DDC: variants seen among roughly 807,000 people sequenced by gnomAD.
DDC encodes aromatic-L-amino-acid decarboxylase.
DDC carries 43 observed loss-of-function variants against 60.0 expected under a neutral mutation model. The observed-to-expected ratio is 0.72, with a 90% confidence interval of 0.56 to 0.92. The LOEUF (loss-of-function observed/expected upper bound fraction) is 0.92, where lower values mean the gene tolerates loss of function less well. DDC is among the 40% of genes least tolerant of loss of function. DDC has a pLI of 0.00. For missense variants in DDC, 573 were observed against 620.2 expected, an observed-to-expected ratio of 0.92 and a Z score of 0.81; for synonymous variants, 232 against 234.6, an observed-to-expected ratio of 0.99 and a Z score of 0.10.
chr7:50,530,389 C>A (rs1272265682), intron 4 of DDC, among the ~76,000 whole-genome samples: 1 of 152,126 alleles, frequency 6.6e-6, no homozygotes, highest in Non-Finnish European at 1.5e-5. Flanking sequence ...GAGAACCAAC[C>A]CTGTGGACAC....
At position 50,489,827 on chromosome 7, in the gene DDC, G is replaced by C. The variant is rs2042962096; in HGVS notation, c.944+5523C>G. On this transcript the variant is annotated intron_variant, in intron 9 of 14. Transcript: ENST00000444124. ...TGCCAGTTTAACAAGGTTTTCTTGG[G>C]ACATTAACCCATTCTTTAATTAAAA... is the stretch of plus-strand genomic sequence containing the variant. Among the ~76,000 whole-genome samples the C allele has an allele frequency of 2.0e-5, 3 of 152,140 alleles. 1 individual carries two copies. Among genetic ancestry groups the C allele is most frequent in the South Asian group, 4.1e-4 (2 of 4,824 alleles).
intron 12 of DDC, among the ~76,000 whole-genome samples, chr7:50,469,815 C>T (rs560771061): frequency 6.0e-4 from 92 of 152,100 alleles, no homozygotes; most frequent in Non-Finnish European, 1.0e-3. Flanking sequence ...CCAATCTCTA[C>T]TTAAAATACA....
chr7:50,499,974 A>G (rs1486684460), intron 7 of DDC, among the ~76,000 whole-genome samples: 5 of 152,210 alleles, frequency 3.3e-5, no homozygotes, highest in African/African-American at 1.2e-4. Flanking sequence ...AATAGTACCC[A>G]TAGGCCCAAG....
chr7:50,517,970 G>A (rs1005267195), intron 6 of DDC, among the ~76,000 whole-genome samples: 1 of 152,014 alleles, frequency 6.6e-6, no homozygotes, highest in African/African-American at 2.4e-5. Context: ...AGCACTTTGG[G>A]AGGCTGAGAT....
Position 50,476,606 on chromosome 7 carries a change from G to C in DDC, c.1041+18C>G. The stretch of plus-strand genomic sequence containing the variant: ...CACTCCACTAGCATTTGAGATTACA[G>C]TGGAATCTCCCACTTACCCGGTAGT... On this transcript the variant is annotated intron_variant, in intron 11 of 14. Transcript: ENST00000444124. 1.2e-6 allele frequency: 2 copies of C among 1,607,730 alleles called. No individual in the cohort carries two copies. The highest frequency in any genetic ancestry group is 1.7e-6 in the Non-Finnish European group (2 of 1,174,418).
intron 9 of DDC, among the ~76,000 whole-genome samples, chr7:50,483,110 T>C (rs1362716824): frequency 6.6e-6 from 1 of 152,178 alleles, no homozygotes; most frequent in Non-Finnish European, 1.5e-5. Context: ...GTGCTTCTAA[T>C]ATTTCACCAT....
chr7:50,526,414 A>T (rs1443541345), intron 6 of DDC, among the ~76,000 whole-genome samples: 1 of 152,232 alleles, frequency 6.6e-6, no homozygotes, highest in Non-Finnish European at 1.5e-5. Flanking sequence ...ATAATTCATT[A>T]TATCAAATTC....
Position 50,467,257 on chromosome 7 carries a change from A to G in DDC, c.1199T>C (p.Ile400Thr). The G allele has an allele frequency of 6.2e-7, 1 of 1,614,196 alleles. No individual in the cohort carries two copies. Among genetic ancestry groups the G allele is most frequent in the Non-Finnish European group, 8.5e-7 (1 of 1,180,014 alleles). ...AAGCCCCAGAATGACTTCCACACAG[A>G]TTTCAAAGCGGGGATCCTGGCGCAC... ...SLVRQDPRFE[I>T]CVEVILGLVC... is the part of the protein sequence containing the mutation. The change falls in exon 13 of 15, where the codon ATC (isoleucine) becomes ACC (threonine). Residue 400 changes from isoleucine (I) to threonine (T), a missense_variant. Coordinates refer to ENST00000444124, the MANE Select transcript of DDC (RefSeq NM_001082971.2).
intron 4 of DDC, among the ~76,000 whole-genome samples, chr7:50,534,712 G>A (rs184314863): frequency 1.3e-5 from 2 of 152,214 alleles, no homozygotes; most frequent in East Asian, 1.9e-4. Flanking sequence ...CACCAACATC[G>A]AGGCCTCTTG....
At chr7:50,518,697 T>A (rs138140133) in intron 6 of DDC, among the ~76,000 whole-genome samples, 1 of 152,230 alleles carries the variant, frequency 6.6e-6, no homozygotes, top group Non-Finnish European at 1.5e-5. Flanking sequence ...TGTAGGAGAA[T>A]GAAACCGCAT....
intron 6 of DDC, 42 bp downstream of exon 6, chr7:50,528,095 T>C: frequency 1.2e-6 from 2 of 1,609,442 alleles, no homozygotes; most frequent in Non-Finnish European, 1.7e-6. Context: ...GAGACGGAGT[T>C]TCACCTTATT....
intron 10 of DDC, among the ~76,000 whole-genome samples, chr7:50,478,974 CATGACTAGTGTA>C (rs1473451571): frequency 3.3e-5 from 5 of 152,226 alleles, no homozygotes; most frequent in Non-Finnish European, 7.3e-5. Context: ...TCAAAGCCTA[CATGACTAGTGTA>C]ACCACTTTAC....
intron 4 of DDC, among the ~76,000 whole-genome samples, chr7:50,534,429 TCTACTA>T (rs2044321203): frequency 1.3e-5 from 2 of 152,124 alleles, no homozygotes; most frequent in Non-Finnish European, 2.9e-5. Context: ...AAACCCTGTC[TCTACTA>T]CAAATACAAA....
chr7:50,495,394 A>G lies in DDC; in HGVS notation c.900T>C (p.Asn300=), dbSNP rs766824418. The part of the protein sequence containing the change: ...GVEFADSFNF[N]PHKWLLVNFD... Reference sequence around the variant, plus strand: ...AATTCACCAATAGCCATTTGTGGGGATTAAAGTTGAATGAATCTGCAAACT... The same window carrying G: ...AATTCACCAATAGCCATTTGTGGGGGTTAAAGTTGAATGAATCTGCAAACT... The change falls in exon 9 of 15, where the codon AAT becomes AAC. Residue 300 remains asparagine (N), a synonymous_variant. Transcript: ENST00000444124. 2.0e-5 allele frequency: 32 copies of G among 1,612,958 alleles called. No individual in the cohort carries two copies. The South Asian group carries it at 3.5e-4, about 18-fold the overall frequency.
intron 4 of DDC, among the ~76,000 whole-genome samples, chr7:50,532,666 A>G (rs934507872): frequency 6.6e-6 from 1 of 152,246 alleles, no homozygotes; most frequent in African/African-American, 2.4e-5. Flanking sequence ...AGGCTAAAAC[A>G]TAGCCAAGCT....
intron 1 of DDC, 40 bp from the exon 2 acceptor site, chr7:50,544,153 C>A: frequency 1.3e-6 from 2 of 1,501,532 alleles, no homozygotes; most frequent in Non-Finnish European, 1.9e-6. Context: ...ATTTTGCAAC[C>A]TCTGAACTGG....
chr7:50,551,574 T>C (rs576208975), intron 1 of DDC, among the ~76,000 whole-genome samples: 1 of 152,262 alleles, frequency 6.6e-6, no homozygotes, highest in East Asian at 1.9e-4. Flanking sequence ...CTTTTTCGTG[T>C]GTTTCTTTGC....
chr7:50,511,530 C>T (rs1367497381), intron 6 of DDC, among the ~76,000 whole-genome samples: 2 of 152,048 alleles, frequency 1.3e-5, no homozygotes, highest in African/African-American at 4.8e-5. Context: ...AGATTGAGGC[C>T]ATCCCGGCTA....
At chr7:50,537,427 T>C (rs1424907212) in intron 4 of DDC, among the ~76,000 whole-genome samples, 1 of 152,240 alleles carries the variant, frequency 6.6e-6, no homozygotes, top group Non-Finnish European at 1.5e-5. Context: ...AAAAGGGCTA[T>C]TAAAATGTTT....
Sources: gnomAD v4.1 joint callset for allele counts (sites outside exome capture counted in the v4.1 genomes callset) on GRCh38, gnomAD v4.1.1 for gene constraint, MANE v1.5 for transcripts, NCBI Gene and HGNC (gene_info 2026-07-23, HGNC 2026-07-21) for gene names.